The following KCNJ3 variants were observed in gnomAD, a reference collection of about 807,000 sequenced individuals.
KCNJ3 encodes the protein G protein-activated inward rectifier potassium channel 1.
KCNJ3 carries 4 observed loss-of-function variants against 39.2 expected under a neutral mutation model. That is an observed-to-expected ratio of 0.10 (90% CI 0.05 to 0.23). The LOEUF (loss-of-function observed/expected upper bound fraction) is 0.23. Ranked by LOEUF, KCNJ3 falls within the 10% of genes least tolerant of loss-of-function variation. The pLI is 1.00. For synonymous variants in KCNJ3, 230 were observed against 237.4 expected (o/e 0.97, Z 0.29); for missense variants, 276 against 634.9 (o/e 0.43, Z 6.08).
At chr2:154,804,683 A>G (rs1686880303) in intron 2 of KCNJ3, among the ~76,000 whole-genome samples, 1 of 152,102 alleles carries the variant, frequency 6.6e-6, no homozygotes, top group South Asian at 2.1e-4. Context: ...TCTACATTGT[A>G]TTGACAGATA....
intron 2 of KCNJ3, among the ~76,000 whole-genome samples, chr2:154,821,930 C>T (rs1456211118): frequency 2.0e-5 from 3 of 151,756 alleles, no homozygotes; most frequent in South Asian, 2.1e-4. Context: ...AGTGAGCCAC[C>T]GCTCCCAGCC....
chr2:154,749,397 C>T (rs546172362), intron 2 of KCNJ3, among the ~76,000 whole-genome samples: 4 of 152,124 alleles, frequency 2.6e-5, no homozygotes, highest in African/African-American at 9.6e-5. Flanking sequence ...AGTCAGTTTG[C>T]CAGTCCTTAG....
intron 1 of KCNJ3, among the ~76,000 whole-genome samples, chr2:154,700,503 T>C (rs1684870166): frequency 6.6e-6 from 1 of 152,124 alleles, no homozygotes; most frequent in South Asian, 2.1e-4. Context: ...TGTCCATAAA[T>C]TGAAAAAGAT....
intron 2 of KCNJ3, among the ~76,000 whole-genome samples, chr2:154,810,285 T>C (rs1686986126): frequency 6.6e-6 from 1 of 152,126 alleles, no homozygotes; most frequent in Non-Finnish European, 1.5e-5. Flanking sequence ...GATTTCACCG[T>C]GTTGTCCAGG....
chr2:154,844,239 A>T (rs2349439), intron 2 of KCNJ3, among the ~76,000 whole-genome samples: 30,762 of 151,922 alleles, frequency 0.2, 3,445 homozygotes, highest in East Asian at 0.4. Flanking sequence ...CTGGAGTTCC[A>T]CTCCAGACCC....
chr2:154,849,892 A>G (rs956681499), intron 2 of KCNJ3, among the ~76,000 whole-genome samples: 4 of 152,098 alleles, frequency 2.6e-5, no homozygotes, highest in African/African-American at 7.2e-5. Context: ...AAAAGGTTAG[A>G]CTATGTTGCT....
At chr2:154,846,254 C>T (rs1687661158) in intron 2 of KCNJ3, among the ~76,000 whole-genome samples, 1 of 151,922 alleles carries the variant, frequency 6.6e-6, no homozygotes, top group African/African-American at 2.4e-5. Context: ...TATCAAATTG[C>T]CAGAAATTAA....
intron 2 of KCNJ3, among the ~76,000 whole-genome samples, chr2:154,725,813 C>T (rs773760624): frequency 9.2e-5 from 14 of 151,958 alleles, no homozygotes; most frequent in Non-Finnish European, 1.5e-4. Flanking sequence ...TACTTAGAGC[C>T]GATTGATCTT....
intron 2 of KCNJ3, among the ~76,000 whole-genome samples, chr2:154,818,714 A>G (rs889405906): frequency 1.6e-4 from 25 of 152,150 alleles, no homozygotes. Flanking sequence ...AATTGTAATG[A>G]CAAGAGTATT....
chr2:154,700,760 A>G (rs1015586725), intron 1 of KCNJ3, among the ~76,000 whole-genome samples: 2 of 152,176 alleles, frequency 1.3e-5, no homozygotes, highest in African/African-American at 4.8e-5. Context: ...TTCATTATTC[A>G]CTTACAAGAT....
intron 2 of KCNJ3, among the ~76,000 whole-genome samples, chr2:154,793,236 C>T (rs1686668680): frequency 6.6e-6 from 1 of 151,982 alleles, no homozygotes; most frequent in African/African-American, 2.4e-5. Context: ...TTTTTTCCCT[C>T]TCTTTGAGGC....
intron 2 of KCNJ3, among the ~76,000 whole-genome samples, chr2:154,815,281 G>A (rs1687064738): frequency 6.6e-6 from 1 of 151,882 alleles, no homozygotes; most frequent in South Asian, 2.1e-4. Flanking sequence ...AAACATACAT[G>A]GTTATTAATT....
intron 2 of KCNJ3, among the ~76,000 whole-genome samples, chr2:154,768,081 T>C (rs1276685107): frequency 3.9e-5 from 6 of 152,228 alleles, no homozygotes; most frequent in African/African-American, 1.4e-4. Flanking sequence ...AGATTCTGGA[T>C]ATTAGCCCTT....
intron 2 of KCNJ3, among the ~76,000 whole-genome samples, chr2:154,742,675 G>C (rs1457075076): frequency 6.6e-6 from 1 of 151,492 alleles, no homozygotes; most frequent in Non-Finnish European, 1.5e-5. Flanking sequence ...ATTTTCTTTG[G>C]AAAAAATGTC....
At chr2:154,763,414 A>G (rs1161259692) in intron 2 of KCNJ3, among the ~76,000 whole-genome samples, 1 of 136,504 alleles carries the variant, frequency 7.3e-6, no homozygotes, top group Non-Finnish European at 1.6e-5. Context: ...TATTCTTTTC[A>G]GCTGCTTCTT....
intron 2 of KCNJ3, among the ~76,000 whole-genome samples, chr2:154,724,887 A>G (rs1475007438): frequency 7.3e-6 from 1 of 136,072 alleles, no homozygotes; most frequent in East Asian, 2.1e-4. Flanking sequence ...TTTATTATAT[A>G]TGTATGTATA....
At chr2:154,741,174 C>T (rs916963351) in intron 2 of KCNJ3, among the ~76,000 whole-genome samples, 5 of 151,784 alleles carry the variant, frequency 3.3e-5, no homozygotes, top group African/African-American at 7.3e-5. Flanking sequence ...ACTATTATTA[C>T]GTTTTACATT....
intron 2 of KCNJ3, among the ~76,000 whole-genome samples, chr2:154,766,133 T>A (rs1312774027): frequency 6.6e-6 from 1 of 152,164 alleles, no homozygotes; most frequent in African/African-American, 2.4e-5. Flanking sequence ...ACTTAAGAAG[T>A]AGAACAATAG....
At chr2:154,754,986 T>C (rs1685912437) in intron 2 of KCNJ3, among the ~76,000 whole-genome samples, 1 of 152,164 alleles carries the variant, frequency 6.6e-6, no homozygotes, top group African/African-American at 2.4e-5. Context: ...TTCCAAGAAA[T>C]TTGTCTATTT....
Sources: allele counts gnomAD v4.1 joint callset (sites outside exome capture counted in the v4.1 genomes callset), GRCh38; gene constraint gnomAD v4.1.1; transcripts MANE v1.5; gene names NCBI Gene and HGNC (gene_info 2026-07-23, HGNC 2026-07-21).